The following IST1 variants were observed in gnomAD, a reference collection of about 807,000 sequenced individuals.
The protein encoded by IST1 is IST1 homolog.
A neutral mutation model predicts 37.0 loss-of-function variants in IST1; 23 were observed. The ratio of observed to expected loss-of-function variants is 0.62; its 90% CI spans 0.45 to 0.88. The LOEUF (loss-of-function observed/expected upper bound fraction) is 0.88, where lower values mean the gene tolerates loss of function less well. IST1 is among the 40% of genes least tolerant of loss of function. The probability of loss-of-function intolerance (pLI) is 0.00; values close to 1 mark genes in which losing one functional copy is unlikely to be tolerated. For synonymous variants in IST1, 180 were observed against 161.7 expected (o/e 1.11, Z -0.86); for missense variants, 488 against 445.4 (o/e 1.10, Z -0.86).
chr16:71,908,522 C>A (rs1321468981), intron 1 of IST1, among the ~76,000 whole-genome samples: 1 of 152,092 alleles, frequency 6.6e-6, no homozygotes, highest in Non-Finnish European at 1.5e-5. Context: ...GTCTCGAATA[C>A]CACCCGCCTT....
At chr16:71,923,711 G>A (rs951837942) in intron 8 of IST1, among the ~76,000 whole-genome samples, 3 of 152,148 alleles carry the variant, frequency 2.0e-5, no homozygotes, top group African/African-American at 4.8e-5. Context: ...TGATACAATC[G>A]TGGTGCTAAA....
At chr16:71,906,245 C>T (rs1049163084) in intron 1 of IST1, among the ~76,000 whole-genome samples, 7 of 151,608 alleles carry the variant, frequency 4.6e-5, no homozygotes, top group Non-Finnish European at 7.4e-5. Context: ...CCTCGTGATC[C>T]ACCCACCTCA....
chr16:71,922,868 A>T (rs1454960967), intron 7 of IST1, 188 bp downstream of exon 7: 1 of 614,388 alleles, frequency 1.6e-6, no homozygotes, highest in Non-Finnish European at 2.9e-6. Context: ...GTTCAGCTGT[A>T]GGAAAATCTA....
intron 4 of IST1, 61 bp from the exon 5 acceptor site, chr16:71,920,678 A>G: frequency 8.4e-7 from 1 of 1,196,050 alleles, no homozygotes; most frequent in Middle Eastern, 2.0e-4. Context: ...TGCCAGGAAG[A>G]AGCTTAAAGC....
At chr16:71,923,435 G>A (rs1030411520) in intron 8 of IST1, 55 bp downstream of exon 8, 52 of 1,140,764 alleles carry the variant, frequency 4.6e-5, no homozygotes, top group Admixed American at 2.7e-4. Context: ...CATGAAGAGC[G>A]AGCAAAATAA....
intron 7 of IST1, 190 bp downstream of exon 7, chr16:71,922,870 G>A (rs2037639893): frequency 9.8e-6 from 6 of 613,270 alleles, no homozygotes; most frequent in Admixed American, 2.9e-5. Flanking sequence ...TCAGCTGTAG[G>A]AAAATCTATA....
intron 1 of IST1, among the ~76,000 whole-genome samples, chr16:71,901,973 A>G (rs987719079): frequency 5.9e-5 from 9 of 152,238 alleles, no homozygotes; most frequent in African/African-American, 1.9e-4. Flanking sequence ...TAAACATCTT[A>G]TTTTAACATA....
intron 1 of IST1, among the ~76,000 whole-genome samples, chr16:71,912,405 T>G (rs911961820): frequency 6.6e-6 from 1 of 152,072 alleles, no homozygotes; most frequent in Non-Finnish European, 1.5e-5. Flanking sequence ...GCCTGGCTAA[T>G]TTTTTGTATT....
At chr16:71,916,394 G>A in intron 2 of IST1, 68 bp from the exon 3 acceptor site, 1 of 1,484,304 alleles carries the variant, frequency 6.7e-7, no homozygotes, top group Non-Finnish European at 9.3e-7. Flanking sequence ...CTGTTGGGGG[G>A]AGATTGGCCT....
At chr16:71,897,392 C>T (rs936956318) in intron 1 of IST1, among the ~76,000 whole-genome samples, 8 of 151,958 alleles carry the variant, frequency 5.3e-5, no homozygotes, top group Admixed American at 1.3e-4. Flanking sequence ...TTTCATTCTC[C>T]CTCTTTGTTC....
intron 1 of IST1, among the ~76,000 whole-genome samples, chr16:71,908,640 C>T (rs930455026): frequency 2.0e-5 from 3 of 152,138 alleles, no homozygotes; most frequent in Non-Finnish European, 4.4e-5. Flanking sequence ...TTGGTGTTGT[C>T]TCAGGTTGAT....
chr16:71,921,202 G>GA, intron 5 of IST1, 141 bp from the exon 6 acceptor site: 1 of 630,230 alleles, frequency 1.6e-6, no homozygotes, highest in Non-Finnish European at 2.8e-6. Flanking sequence ...TTGTGACTCT[G>GA]AAAAAAATCA....
At chr16:71,922,759 T>G in intron 7 of IST1, 79 bp downstream of exon 7, 2 of 1,189,270 alleles carry the variant, frequency 1.7e-6, no homozygotes, top group Non-Finnish European at 1.2e-6. Flanking sequence ...CACTCAGGAA[T>G]CATAGGTTGT....
chr16:71,920,732 T>C lies in IST1; in HGVS notation c.358-7T>C. 1 of 1,611,194 alleles carries C rather than the reference T, an allele frequency of 6.2e-7. No homozygotes were observed. Among genetic ancestry groups the C allele is most frequent in the South Asian group, 1.1e-5 (1 of 91,008 alleles). On this transcript the variant is annotated splice_polypyrimidine_tract_variant and splice_region_variant and intron_variant, in intron 4 of 9. Transcript: ENST00000378799. ...CTATTTTTATTTGCTGTCCTTTTTC[T>C]TTTTAGGTTGCTGATCAGCTCTGTG...
chr16:71,916,331 T>C (rs1008742867), intron 2 of IST1, 131 bp from the exon 3 acceptor site: 1 of 799,942 alleles, frequency 1.3e-6, no homozygotes, highest in African/African-American at 1.7e-5. Flanking sequence ...GGGGATGGGA[T>C]TAGATTTGCT....
upstream of IST1, chr16:71,894,712 T>G (rs2036928513): frequency 1.7e-6 from 1 of 577,700 alleles, no homozygotes; most frequent in Non-Finnish European, 2.9e-6. Flanking sequence ...TTTTTTTTTT[T>G]TTTTGTAGCG....
Position 71,925,043 on chromosome 16 carries a change from T to C in IST1, c.901+226T>C, listed in dbSNP as rs533869810. ...TTTTTTTTTTTTTGAGATGGAGTCT[T>C]GCTCTGTTGTCCAGGCTGGAGTGCA... On this transcript the variant is annotated intron_variant, in intron 9 of 9. Coordinates refer to ENST00000378799, the MANE Select transcript of IST1 (RefSeq NM_001270975.2). Among the ~76,000 whole-genome samples, 61 of 151,192 alleles carry C rather than the reference T, an allele frequency of 4.0e-4. 2 individuals are homozygous for C. Among genetic ancestry groups the C allele is most frequent in the Admixed American group, 2.0e-4 (3 of 15,178 alleles).
upstream of IST1, chr16:71,894,815 T>C: frequency 1.3e-6 from 2 of 1,533,162 alleles, no homozygotes; most frequent in Non-Finnish European, 8.7e-7. Context: ...GAAGGTCCCT[T>C]CCAGGCTTAA....
chr16:71,912,681 C>T (rs780282438), intron 1 of IST1, among the ~76,000 whole-genome samples: 1 of 152,200 alleles, frequency 6.6e-6, no homozygotes, highest in Non-Finnish European at 1.5e-5. Flanking sequence ...GTAGTGTGTA[C>T]TCACATCGTT....
Sources: gnomAD v4.1 joint callset for allele counts (sites outside exome capture counted in the v4.1 genomes callset) on GRCh38, gnomAD v4.1.1 for gene constraint, MANE v1.5 for transcripts, NCBI Gene and HGNC (gene_info 2026-07-23, HGNC 2026-07-21) for gene names.